Variants in C8orf34 observed in about 807,000 individuals in gnomAD.
C8orf34 encodes uncharacterized protein C8orf34.
C8orf34 carries 65 observed loss-of-function variants against 68.3 expected under a neutral mutation model. The ratio of observed to expected loss-of-function variants is 0.95; its 90% CI spans 0.78 to 1.17. The LOEUF (loss-of-function observed/expected upper bound fraction) is 1.17. Among genes scored for constraint, C8orf34 ranks in the 50% most tolerant of loss-of-function variants. The pLI is 0.00. For synonymous variants in C8orf34, 244 were observed against 241.2 expected, an observed-to-expected ratio of 1.01 and a Z score of -0.11; for missense variants, 664 against 655.4, an observed-to-expected ratio of 1.01 and a Z score of -0.14.
chr8:68,372,746 C>T (rs759802511), intron 1 of C8orf34, among the ~76,000 whole-genome samples: 21 of 152,266 alleles, frequency 1.4e-4, no homozygotes, highest in Admixed American at 1.0e-3. Flanking sequence ...TGCTGTCCCT[C>T]CCCTAGTCCT....
intron 10 of C8orf34, among the ~76,000 whole-genome samples, chr8:68,775,750 T>C (rs898804450): frequency 3.3e-5 from 5 of 152,152 alleles, no homozygotes; most frequent in Admixed American, 2.6e-4. Context: ...CAACAGAAAA[T>C]GTTACACAAT....
chr8:68,796,895 C>T (rs1004127434), intron 12 of C8orf34, among the ~76,000 whole-genome samples: 17 of 147,702 alleles, frequency 1.2e-4, no homozygotes, highest in African/African-American at 2.8e-4. Flanking sequence ...GGCGCTAACT[C>T]GGCTCACTGC....
chr8:68,816,052 TG>T, intron 13 of C8orf34, 107 bp downstream of exon 13: 1 of 1,569,982 alleles, frequency 6.4e-7, no homozygotes, highest in Non-Finnish European at 8.7e-7. Context: ...TGACCTCTAA[TG>T]AGAATAGGTT....
intron 1 of C8orf34, among the ~76,000 whole-genome samples, chr8:68,391,280 C>T (rs1288694065): frequency 6.6e-6 from 1 of 152,136 alleles, no homozygotes; most frequent in Non-Finnish European, 1.5e-5. Flanking sequence ...CAGTAACTTA[C>T]ACAAGCCCAA....
intron 7 of C8orf34, among the ~76,000 whole-genome samples, chr8:68,576,054 A>G (rs1169490728): frequency 7.1e-6 from 1 of 141,670 alleles, no homozygotes; most frequent in East Asian, 2.2e-4. Flanking sequence ...AAAGTTTTCT[A>G]GGACCTGTAC....
intron 5 of C8orf34, among the ~76,000 whole-genome samples, chr8:68,499,472 A>G (rs1416541041): frequency 6.6e-6 from 1 of 152,222 alleles, no homozygotes; most frequent in Non-Finnish European, 1.5e-5. Flanking sequence ...GTCCATACTG[A>G]TATACATACA....
intron 1 of C8orf34, among the ~76,000 whole-genome samples, chr8:68,392,081 G>T (rs2129620740): frequency 6.6e-6 from 1 of 152,150 alleles, no homozygotes; most frequent in East Asian, 1.9e-4. Context: ...TTCTGATTTT[G>T]AAATTACTTT....
chr8:68,384,180 T>A (rs1007945685), intron 1 of C8orf34, among the ~76,000 whole-genome samples: 2 of 152,254 alleles, frequency 1.3e-5, no homozygotes, highest in African/African-American at 4.8e-5. Flanking sequence ...AAATTTTGTT[T>A]ACATCTAAAG....
intron 7 of C8orf34, among the ~76,000 whole-genome samples, chr8:68,601,945 T>A (rs940172676): frequency 5.3e-5 from 8 of 152,122 alleles, no homozygotes; most frequent in African/African-American, 1.9e-4. Context: ...TGGGCCTTGA[T>A]GAAAACTAGA....
chr8:68,656,234 G>T (rs975182723), intron 8 of C8orf34, among the ~76,000 whole-genome samples: 2 of 152,032 alleles, frequency 1.3e-5, no homozygotes, highest in Non-Finnish European at 2.9e-5. Context: ...CCAAGAAGTT[G>T]GTGAAGATCA....
chr8:68,446,386 C>A lies in C8orf34; in HGVS notation c.533C>A (p.Ala178Glu). 6.2e-7 allele frequency: 1 copy of A among 1,612,212 alleles called. No individual in the cohort carries two copies. The highest frequency in any genetic ancestry group is 1.7e-4 in the Middle Eastern group (1 of 6,048). Residue 178 changes from alanine (A) to glutamate (E), a missense_variant, in exon 3 of 14, where the codon GCA becomes GAA. Coordinates refer to ENST00000518698, the MANE Select transcript of C8orf34 (RefSeq NM_052958.4). ...RSYDKPWQLN[A>E]KKPKKSKSDL... ...TATGATAAACCTTGGCAATTAAATGCAAAGAAGCCTAAAAAATCAAAAAGT... is the reference window on the plus strand; with the variant it reads ...TATGATAAACCTTGGCAATTAAATGAAAAGAAGCCTAAAAAATCAAAAAGT...
intron 2 of C8orf34, among the ~76,000 whole-genome samples, chr8:68,442,451 G>T (rs931624032): frequency 6.6e-6 from 1 of 152,126 alleles, no homozygotes; most frequent in African/African-American, 2.4e-5. Context: ...AATTGTGGTT[G>T]TGTTACTACC....
intron 12 of C8orf34, among the ~76,000 whole-genome samples, chr8:68,800,813 A>G (rs757863010): frequency 1.4e-4 from 21 of 152,298 alleles, no homozygotes; most frequent in Non-Finnish European, 2.2e-4. Context: ...GGTCAGAAAT[A>G]AATAAAATTC....
intron 7 of C8orf34, among the ~76,000 whole-genome samples, chr8:68,563,797 C>T (rs930014227): frequency 2.6e-5 from 4 of 151,972 alleles, no homozygotes; most frequent in Admixed American, 6.6e-5. Flanking sequence ...GATATATAAT[C>T]GAAAAGTGAC....
intron 1 of C8orf34, among the ~76,000 whole-genome samples, chr8:68,368,107 C>T (rs2129619678): frequency 6.6e-6 from 1 of 152,150 alleles, no homozygotes; most frequent in East Asian, 1.9e-4. Flanking sequence ...TCAGCAAAGT[C>T]ATTATGCCAG....
intron 7 of C8orf34, among the ~76,000 whole-genome samples, chr8:68,608,239 C>T (rs922119080): frequency 1.3e-5 from 2 of 151,754 alleles, no homozygotes; most frequent in Non-Finnish European, 2.9e-5. Context: ...ATAATAGAAA[C>T]ATTGAGAAAA....
At chr8:68,376,004 A>G (rs1312338966) in intron 1 of C8orf34, among the ~76,000 whole-genome samples, 1 of 152,120 alleles carries the variant, frequency 6.6e-6, no homozygotes, top group Non-Finnish European at 1.5e-5. Context: ...TGCCTACAAT[A>G]TACCATGACT....
chr8:68,539,541 T>C (rs1211806221), intron 7 of C8orf34, among the ~76,000 whole-genome samples: 3 of 152,150 alleles, frequency 2.0e-5, no homozygotes, highest in Non-Finnish European at 4.4e-5. Flanking sequence ...AAAATATCTC[T>C]AAATAGAAAC....
chr8:68,384,214 A>G (rs938582046), intron 1 of C8orf34, among the ~76,000 whole-genome samples: 1 of 152,218 alleles, frequency 6.6e-6, no homozygotes, highest in Admixed American at 6.5e-5. Flanking sequence ...AGAGTTCTCA[A>G]CCCTCTCCTT....
Sources: allele counts gnomAD v4.1 joint callset (sites outside exome capture counted in the v4.1 genomes callset), GRCh38; gene constraint gnomAD v4.1.1; transcripts MANE v1.5; gene names NCBI Gene and HGNC (gene_info 2026-07-23, HGNC 2026-07-21).